The following CST3 variants were observed in gnomAD, a reference collection of about 807,000 sequenced individuals.
CST3 encodes the protein cystatin-C.
CST3 carries 14 observed loss-of-function variants against 9.0 expected under a neutral mutation model. The observed-to-expected ratio is 1.56, with a 90% CI of 1.03 to 2.44. The LOEUF (loss-of-function observed/expected upper bound fraction) is 2.44. Ranked by LOEUF, CST3 falls within the 30% of genes most tolerant of loss-of-function variation. The probability of loss-of-function intolerance (pLI) is 0.00; values close to 1 mark genes in which losing one functional copy is unlikely to be tolerated. For synonymous variants in CST3, 96 were observed against 90.2 expected (o/e 1.06, Z -0.37); for missense variants, 237 against 204.3 (o/e 1.16, Z -0.98).
chr20:23,637,668 G>T lies in CST3; in HGVS notation c.195C>A (p.Asn65Lys). 6.5e-7 allele frequency: 1 copy of T among 1,536,804 alleles called. No individual in the cohort carries two copies. The highest frequency in any genetic ancestry group is 8.8e-7 in the Non-Finnish European group (1 of 1,142,264). ...GCAGCGCGCGGCTGTGGTACATGTC[G>T]TTGCTGGCTTTGTTGTACTCGCCGA... is the stretch of plus-strand genomic sequence containing the variant. ...FAVGEYNKAS[N>K]DMYHSRALQV... Residue 65 changes from asparagine to lysine, a missense_variant, in exon 1 of 3, where the codon AAC (asparagine) becomes AAA (lysine). Coordinates refer to ENST00000376925, the MANE Select transcript of CST3 (RefSeq NM_000099.4).
downstream of CST3, among the ~76,000 whole-genome samples, chr20:23,632,586 C>T (rs527916388): frequency 6.6e-6 from 1 of 152,354 alleles, no homozygotes; most frequent in South Asian, 2.1e-4. Context: ...CCTGCTCTGA[C>T]TTTGCAGGGA....
chr20:23,635,150 C>A, intron 2 of CST3, 104 bp downstream of exon 2: 1 of 1,001,028 alleles, frequency 1.0e-6, no homozygotes, highest in South Asian at 1.3e-5. Flanking sequence ...CACACTCAGG[C>A]ACATGCACAC....
chr20:23,635,415 TTC>T, intron 1 of CST3, 48 bp from the exon 2 acceptor site: 1 of 1,512,336 alleles, frequency 6.6e-7, no homozygotes, highest in Non-Finnish European at 9.1e-7. Flanking sequence ...TTCTGTCAGT[TTC>T]TTACACACAC....
chr20:23,633,818 C>G lies in CST3; in HGVS notation c.*98G>C. The G allele has an allele frequency of 9.3e-7, 1 of 1,070,518 alleles. No individual in the cohort carries two copies. The highest frequency in any genetic ancestry group is 1.4e-6 in the Non-Finnish European group (1 of 690,630). The allele number at this position is 1,070,518 out of a possible 1,614,324, so 66.3% of individuals were successfully genotyped here. A position where few individuals can be genotyped will look rare whatever the true frequency, so the allele number is the denominator to read the frequency against. ...TCCTGGTGCAGGCACATGGGGAGACCTTCCCCAAGGCAGGGGCCACCAGTC... is the reference window on the plus strand; with the variant it reads ...TCCTGGTGCAGGCACATGGGGAGACGTTCCCCAAGGCAGGGGCCACCAGTC... On this transcript the variant is annotated 3_prime_UTR_variant, in exon 3 of 3. Transcript: ENST00000376925.
chr20:23,637,508 C>T (rs916121043), intron 1 of CST3, 112 bp downstream of exon 1: 63 of 1,075,306 alleles, frequency 5.9e-5, no homozygotes, highest in Middle Eastern at 3.2e-4. Flanking sequence ...GAACAGGGTC[C>T]GGGTGAGAAG....
downstream of CST3, among the ~76,000 whole-genome samples, chr20:23,629,906 A>T (rs181920150): frequency 6.6e-6 from 1 of 152,298 alleles, no homozygotes; most frequent in East Asian, 1.9e-4. Context: ...CATTGCCCCA[A>T]ACAAAGCTTT....
At chr20:23,635,433 C>T in intron 1 of CST3, 66 bp from the exon 2 acceptor site, 3 of 1,386,350 alleles carry the variant, frequency 2.2e-6, no homozygotes, top group Non-Finnish European at 3.0e-6. Context: ...CACACAGGCA[C>T]TTCACTGTGA....
intron 1 of CST3, among the ~76,000 whole-genome samples, chr20:23,636,872 A>T (rs1979697442): frequency 6.6e-6 from 1 of 152,234 alleles, no homozygotes; most frequent in African/African-American, 2.4e-5. Context: ...AAGCTGAATG[A>T]GTCTGAGCAT....
intron 2 of CST3, among the ~76,000 whole-genome samples, chr20:23,634,362 C>G (rs1979576085): frequency 6.6e-6 from 1 of 152,174 alleles, no homozygotes; most frequent in South Asian, 2.1e-4. Flanking sequence ...GCCCTCAGGC[C>G]AGCACTATGA....
Position 23,637,607 on chromosome 20 carries a change from G to A in CST3, c.243+13C>T, listed in dbSNP as rs937716162. Reference sequence around the variant, plus strand: ...GGGCCGGGGCTTCGGACCCTGCGGGGGGCGGCACGCACCTGCTTGCGGGCG... The same window carrying A: ...GGGCCGGGGCTTCGGACCCTGCGGGAGGCGGCACGCACCTGCTTGCGGGCG... On this transcript the variant is annotated intron_variant, in intron 1 of 2. Coordinates refer to ENST00000376925, the MANE Select transcript of CST3 (RefSeq NM_000099.4). 3 of 1,511,466 alleles carry A rather than the reference G, an allele frequency of 2.0e-6. No homozygotes were observed. Among genetic ancestry groups the A allele is most frequent in the Non-Finnish European group, 2.7e-6 (3 of 1,130,436 alleles). The allele number at this position is 1,511,466 out of a possible 1,614,324, so 93.6% of individuals were successfully genotyped here. A position where few individuals can be genotyped will look rare whatever the true frequency, so the allele number is the denominator to read the frequency against.
At position 23,633,707 on chromosome 20, in the gene CST3, C is replaced by G. The variant is rs957197300; in HGVS notation, c.*209G>C. ...AGGTGGGGGTGTATGCACCGCACAC[C>G]GGGGCTATGAGAAGCAAGAAGGAAG... On this transcript the variant is annotated 3_prime_UTR_variant, in exon 3 of 3. Coordinates refer to ENST00000376925, the MANE Select transcript of CST3 (RefSeq NM_000099.4). The G allele has an allele frequency of 3.0e-6, 2 of 656,904 alleles. No homozygotes were observed. Among genetic ancestry groups the G allele is most frequent in the Admixed American group, 2.2e-5 (1 of 46,478 alleles). 40.7% of individuals were successfully genotyped at this position (656,904 alleles called of 1,614,324 possible).
chr20:23,636,565 G>A (rs1979684031), intron 1 of CST3, among the ~76,000 whole-genome samples: 1 of 145,608 alleles, frequency 6.9e-6, no homozygotes, highest in Non-Finnish European at 1.5e-5. Flanking sequence ...TGTGACTTGG[G>A]GAGGGAAGCA....
At position 23,634,113 on chromosome 20, in the gene CST3, C is replaced by T. The variant is rs1017523633; in HGVS notation, c.358-114G>A. ...GAAGGATGGAGGTGAAACACTGGGC[C>T]CTTATCTACCCCTCCACCCACCCCC... On this transcript the variant is annotated intron_variant, in intron 2 of 2. Transcript: ENST00000376925. The T allele has an allele frequency of 3.7e-5, 31 of 833,824 alleles. No homozygotes were observed. In the Admixed American group the frequency reaches 6.0e-4, roughly 16 times the overall value. The allele number at this position is 833,824 out of a possible 1,614,324, so 51.7% of individuals were successfully genotyped here.
Position 23,637,928 on chromosome 20 carries a change from A to C in CST3, c.-66T>G. On this transcript the variant is annotated 5_prime_UTR_variant, in exon 1 of 3. Coordinates refer to ENST00000376925, the MANE Select transcript of CST3 (RefSeq NM_000099.4). ...GAGAGGCTGGAGCTAGATAGAGAGG[A>C]CCCGCTGCGATACCGAGGCGAGGCC... is the stretch of plus-strand genomic sequence containing the variant. The C allele has an allele frequency of 8.6e-7, 1 of 1,169,000 alleles. No individual in the cohort carries two copies. The allele number at this position is 1,169,000 out of a possible 1,614,324, so 72.4% of individuals were successfully genotyped here.
In CST3 at chr20:23,637,695, G is replaced by T; in HGVS notation, c.168C>A (p.Ala56=). The change falls in exon 1 of 3, where the codon GCC becomes GCA. Residue 56 remains alanine, a synonymous_variant. Coordinates refer to ENST00000376925, the MANE Select transcript of CST3 (RefSeq NM_000099.4). ...EEGVRRALDF[A]VGEYNKASND... The stretch of plus-strand genomic sequence containing the variant: ...TGCTGGCTTTGTTGTACTCGCCGAC[G>T]GCAAAGTCCAGTGCACGCCGCACAC... 1 of 1,543,330 alleles carries T rather than the reference G, an allele frequency of 6.5e-7. No individual in the cohort carries two copies. Among genetic ancestry groups the T allele is most frequent in the East Asian group, 2.5e-5 (1 of 39,884 alleles).
rs750555631 is a variant in CST3 at position 23,637,667 on chromosome 20, C to T, written c.196G>A (p.Asp66Asn). ...TGCAGCGCGCGGCTGTGGTACATGTCGTTGCTGGCTTTGTTGTACTCGCCG... is the reference window on the plus strand; with the variant it reads ...TGCAGCGCGCGGCTGTGGTACATGTTGTTGCTGGCTTTGTTGTACTCGCCG... ...AVGEYNKASN[D>N]MYHSRALQVV... The change falls in exon 1 of 3, where the codon GAC becomes AAC. Residue 66 changes from aspartate (D) to asparagine (N), a missense_variant. Asp to Asn is a conservative substitution (Grantham distance 23, BLOSUM62 1). Transcript: ENST00000376925. 8 of 1,535,998 alleles carry T rather than the reference C, an allele frequency of 5.2e-6. No homozygotes were observed. The African/African-American group carries it at 7.1e-5, about 14-fold the overall frequency.
intron 1 of CST3, among the ~76,000 whole-genome samples, chr20:23,635,732 T>C (rs954273210): frequency 6.6e-6 from 1 of 152,250 alleles, no homozygotes; most frequent in Non-Finnish European, 1.5e-5. Context: ...ATCTCATTCC[T>C]GCCATTTAAC....
chr20:23,634,174 T>G (rs2122471131), intron 2 of CST3, among the ~76,000 whole-genome samples, 175 bp from the exon 3 acceptor site: 1 of 151,858 alleles, frequency 6.6e-6, no homozygotes, highest in East Asian at 1.9e-4. Context: ...GGGCAGTGAC[T>G]GCTCCATCCC....
At chr20:23,629,999 G>C (rs1979392972), downstream of CST3, among the ~76,000 whole-genome samples, 1 of 152,206 alleles carries the variant, frequency 6.6e-6, no homozygotes, top group Non-Finnish European at 1.5e-5. Context: ...AGAGATACCT[G>C]GCACGGAAAG....
Sources: gnomAD v4.1 joint callset for allele counts (sites outside exome capture counted in the v4.1 genomes callset) on GRCh38, gnomAD v4.1.1 for gene constraint, MANE v1.5 for transcripts, NCBI Gene and HGNC (gene_info 2026-07-23, HGNC 2026-07-21) for gene names.